Variants in STAT4 observed in about 807,000 individuals in gnomAD.
STAT4 encodes the protein signal transducer and activator of transcription 4.
Under a neutral mutation model 110.5 loss-of-function variants are expected in STAT4, and 42 were observed. The ratio of observed to expected loss-of-function variants is 0.38; its 90% CI spans 0.30 to 0.49. The LOEUF is 0.49. STAT4 is among the 20% of genes least tolerant of loss of function. STAT4 has a pLI of 0.95. For synonymous variants in STAT4, 284 were observed against 302.2 expected (o/e 0.94, Z 0.63); for missense variants, 632 against 887.9 (o/e 0.71, Z 3.66).
In STAT4 at chr2:191,078,077, T is replaced by TTTA. The variant is rs1270868072; in HGVS notation, c.274-1755_274-1753dup. On this transcript the variant is annotated intron_variant, in intron 3 of 23. Transcript: ENST00000392320. ...AGCTATGTTTTCTCATTTTTCTCAATTTATTTTAATATTATTCCATTGTTA... is the reference window on the plus strand; with the variant it reads ...AGCTATGTTTTCTCATTTTTCTCAATTTATTATTTTAATATTATTCCATTGTTA... Among the ~76,000 whole-genome samples, 3 of 135,736 alleles carry TTTA rather than the reference T, an allele frequency of 2.2e-5. 1 individual carries two copies. The highest frequency in any genetic ancestry group is 4.8e-5 in the Non-Finnish European group (3 of 62,230). 89.0% of individuals were successfully genotyped at this position (135,736 alleles called of 152,430 possible).
intron 5 of STAT4, 32 bp from the exon 6 acceptor site, chr2:191,069,803 T>A: frequency 1.3e-6 from 2 of 1,530,266 alleles, no homozygotes; most frequent in Non-Finnish European, 1.8e-6. Flanking sequence ...CTCACTCTGC[T>A]GTCACAATTA....
chr2:191,083,975 A>T lies in STAT4; in HGVS notation c.274-7650T>A, dbSNP rs1282314390. Among the ~76,000 whole-genome samples, 1 of 152,146 alleles carries T rather than the reference A, an allele frequency of 6.6e-6. No homozygotes were observed. The highest frequency in any genetic ancestry group is 1.5e-5 in the Non-Finnish European group (1 of 68,028). The stretch of plus-strand genomic sequence containing the variant: ...TTTGATAGGTGTTTTAAGATATAGA[A>T]CTTTGTGGCTGGGTGTGGTGGCTCA... On this transcript the variant is annotated intron_variant, in intron 3 of 23. Transcript: ENST00000392320. This position sits in a 1 kb window ranked among gnomAD's most constrained non-coding sequence, Gnocchi z 4.6.
In STAT4 at chr2:191,082,721, A is replaced by C. The variant is rs1294955210; in HGVS notation, c.274-6396T>G. Among the ~76,000 whole-genome samples the C allele has an allele frequency of 6.6e-6, 1 of 152,138 alleles. No homozygotes were observed. The highest frequency in any genetic ancestry group is 2.4e-5 in the African/African-American group (1 of 41,428). ...AAATTTGACTTGTCATTAAAGAGTA[A>C]CTAGTTCATCTGCTCTTTTTCTTCC... On this transcript the variant is annotated intron_variant, in intron 3 of 23. Transcript: ENST00000392320. The surrounding 1 kb of genome is among the most constrained non-coding windows in gnomAD (Gnocchi z 4.7).
intron 3 of STAT4, among the ~76,000 whole-genome samples, chr2:191,145,964 C>G (rs1699450046): frequency 6.6e-6 from 1 of 152,186 alleles, no homozygotes; most frequent in South Asian, 2.1e-4. Flanking sequence ...ACATCTACCA[C>G]AAGTCCAGAC....
intron 3 of STAT4, chr2:191,131,960 T>C: frequency 7.8e-7 from 1 of 1,278,322 alleles, no homozygotes; most frequent in Non-Finnish European, 1.0e-6. Context: ...GTTATCTAGA[T>C]TTACAACTAT....
rs1697787494 is a variant in STAT4, at chr2:191,091,122, A to G, written c.274-14797T>C. Among the ~76,000 whole-genome samples the G allele has an allele frequency of 6.6e-6, 1 of 152,184 alleles. No homozygotes were observed. The highest frequency in any genetic ancestry group is 1.5e-5 in the Non-Finnish European group (1 of 68,018). The stretch of plus-strand genomic sequence containing the variant: ...TAGAAAGTGTTTAGACAAGATTATA[A>G]GGACAAGAAAATGAAATAGTAAACG... On this transcript the variant is annotated intron_variant, in intron 3 of 23. Transcript: ENST00000392320. This position sits in a 1 kb window ranked among gnomAD's most constrained non-coding sequence, Gnocchi z 5.4.
At position 191,050,842 on chromosome 2, in the gene STAT4, C is replaced by T. The variant is rs10181435; in HGVS notation, c.1251+3648G>A. On this transcript the variant is annotated intron_variant, in intron 14 of 23. Coordinates refer to ENST00000392320, the MANE Select transcript of STAT4 (RefSeq NM_003151.4). The surrounding 1 kb of genome is among the most constrained non-coding windows in gnomAD (Gnocchi z 4.3). Reference sequence around the variant, plus strand: ...AATCCTAAAGCCAGGAGCCCCTGTACGTCCTGACAGCTCAGCTCTTCTTGG... The same window carrying T: ...AATCCTAAAGCCAGGAGCCCCTGTATGTCCTGACAGCTCAGCTCTTCTTGG... Among the ~76,000 whole-genome samples, 4,203 of 152,262 alleles carry T rather than the reference C, an allele frequency of 0.028. 192 individuals are homozygous for T. Among genetic ancestry groups the T allele is most frequent in the African/African-American group, 0.097 (4,006 of 41,510 alleles).
At chr2:191,141,614 CATATATATATATATGATT>C (rs1559085873) in intron 3 of STAT4, among the ~76,000 whole-genome samples, 1 of 146,242 alleles carries the variant, frequency 6.8e-6, no homozygotes, top group African/African-American at 2.5e-5. Flanking sequence ...TACACACACA[CATATATATATATATGATT>C]ATATATATAT....
At position 191,113,387 on chromosome 2, in the gene STAT4, T is replaced by C. The variant is rs760451408; in HGVS notation, c.273+33226A>G. On this transcript the variant is annotated intron_variant, in intron 3 of 23. Transcript: ENST00000392320. This position sits in a 1 kb window ranked among gnomAD's most constrained non-coding sequence, Gnocchi z 4.8. The stretch of plus-strand genomic sequence containing the variant: ...TTTGATCTTGAGAGCTCCAACAGGG[T>C]TATAGTTCAGAGCTTGGGACACAGG... 6.6e-5 allele frequency among the ~76,000 whole-genome samples: 10 copies of C among 152,236 alleles called. No homozygotes were observed. Among genetic ancestry groups the C allele is most frequent in the Non-Finnish European group, 1.5e-4 (10 of 68,044 alleles).
At chr2:191,034,436 AAAG>A in intron 18 of STAT4, 109 bp downstream of exon 18, 6 of 910,452 alleles carry the variant, frequency 6.6e-6, no homozygotes, top group South Asian at 4.5e-5. Context: ...AAAAAAAAAA[AAAG>A]AAAAATTCTT....
rs1047988805 is a variant in STAT4 at position 191,083,003 on chromosome 2, T to C, written c.274-6678A>G. On this transcript the variant is annotated intron_variant, in intron 3 of 23. Coordinates refer to ENST00000392320, the MANE Select transcript of STAT4 (RefSeq NM_003151.4). This position sits in a 1 kb window ranked among gnomAD's most constrained non-coding sequence, Gnocchi z 4.6. ...CTGTAGTGACCTGGCAACTGCAGGA[T>C]GAGAATGATAGGTCCCAGGTCAAAT... 6.6e-6 allele frequency among the ~76,000 whole-genome samples: 1 copy of C among 152,180 alleles called. No individual in the cohort carries two copies. Among genetic ancestry groups the C allele is most frequent in the Non-Finnish European group, 1.5e-5 (1 of 68,038 alleles).
chr2:191,085,836 CTAATAGAAAAT>C (rs1468044652), intron 3 of STAT4, among the ~76,000 whole-genome samples: 1 of 152,132 alleles, frequency 6.6e-6, no homozygotes, highest in African/African-American at 2.4e-5. Flanking sequence ...ATGGACTGAA[CTAATAGAAAAT>C]TTAAATAATT....
chr2:191,054,578 C>A (rs1696622139), intron 13 of STAT4, 44 bp from the exon 14 acceptor site: 1 of 1,573,596 alleles, frequency 6.4e-7, no homozygotes, highest in South Asian at 1.1e-5. Context: ...AAAGCATTAT[C>A]AGCTACATAT....
chr2:191,122,141 G>T (rs1242972396), intron 3 of STAT4: 1 of 151,716 alleles, frequency 6.6e-6, no homozygotes, highest in Non-Finnish European at 1.5e-5. Flanking sequence ...TTGCATGCCT[G>T]TATCAAAACA....
rs1030782880 is a variant in STAT4 at position 191,116,934 on chromosome 2, G to A, written c.273+29679C>T. 3.3e-5 allele frequency among the ~76,000 whole-genome samples: 5 copies of A among 152,144 alleles called. No individual in the cohort carries two copies. The South Asian group carries it at 8.3e-4, about 25-fold the overall frequency. On this transcript the variant is annotated intron_variant, in intron 3 of 23. Transcript: ENST00000392320. The surrounding 1 kb of genome is among the most constrained non-coding windows in gnomAD (Gnocchi z 4.1). ...AGAAAGCAACTCAAATATCCCTCCCGTTGGAGTGGCAAAGAATAATGAAAT... is the reference window on the plus strand; with the variant it reads ...AGAAAGCAACTCAAATATCCCTCCCATTGGAGTGGCAAAGAATAATGAAAT...
At chr2:191,088,481 T>G (rs1426105844) in intron 3 of STAT4, among the ~76,000 whole-genome samples, 1 of 152,176 alleles carries the variant, frequency 6.6e-6, no homozygotes, top group African/African-American at 2.4e-5. Flanking sequence ...AAGACTGTAT[T>G]GTCAAGATGT....
At chr2:191,134,193 G>C (rs967486240) in intron 3 of STAT4, among the ~76,000 whole-genome samples, 4 of 152,162 alleles carry the variant, frequency 2.6e-5, no homozygotes, top group Non-Finnish European at 5.9e-5. Flanking sequence ...TAGGCCTGGG[G>C]ACTGGCCCTC....
chr2:191,058,742 G>A lies in STAT4; in HGVS notation c.1062C>T (p.Asn354=), dbSNP rs1360941723. The part of the protein sequence containing the change: ...LRLLIKLPEL[N]YQVKVKASID... The stretch of plus-strand genomic sequence containing the variant: ...TTGATGCCTTAACCTTTACCTGATA[G>A]TTTAGTTCTGGCAATTTTATTAGTA... Residue 354 remains asparagine, a synonymous_variant, in exon 11 of 24, where the codon AAC becomes AAT. Transcript: ENST00000392320. This position sits in a 1 kb window ranked among gnomAD's most constrained non-coding sequence, Gnocchi z 4.3. 3 of 1,592,042 alleles carry A rather than the reference G, an allele frequency of 1.9e-6. No individual in the cohort carries two copies. The highest frequency in any genetic ancestry group is 2.7e-5 in the African/African-American group (2 of 74,200).
At chr2:191,055,275 T>G (rs919740013) in intron 13 of STAT4, among the ~76,000 whole-genome samples, 3 of 151,762 alleles carry the variant, frequency 2.0e-5, no homozygotes, top group African/African-American at 7.3e-5. Flanking sequence ...CTCGGCTCAC[T>G]GCAAGCTCCA....
Sources: gnomAD v4.1 joint callset for allele counts (sites outside exome capture counted in the v4.1 genomes callset) on GRCh38, gnomAD v4.1.1 for gene constraint, Gnocchi (gnomAD v3.1) non-coding constraint, MANE v1.5 for transcripts, NCBI Gene and HGNC (gene_info 2026-07-23, HGNC 2026-07-21) for gene names.